The following MPP7 variants were observed in gnomAD, a reference collection of about 807,000 sequenced individuals.
The protein encoded by MPP7 is MAGUK p55 scaffold protein 7, also known as MAGUK p55 subfamily member 7.
MPP7 carries 60 observed loss-of-function variants against 76.5 expected under a neutral mutation model. The observed-to-expected ratio is 0.78, with a 90% confidence interval of 0.64 to 0.97. The LOEUF is 0.97. MPP7 is among the 50% of genes least tolerant of loss of function. MPP7 has a pLI of 0.00. For missense variants in MPP7, 641 were observed against 694.0 expected, an observed-to-expected ratio of 0.92 and a Z score of 0.86; for synonymous variants, 237 against 244.5, an observed-to-expected ratio of 0.97 and a Z score of 0.29.
At chr10:28,210,704 T>C (rs1838104042) in intron 2 of MPP7, among the ~76,000 whole-genome samples, 1 of 152,202 alleles carries the variant, frequency 6.6e-6, no homozygotes, top group African/African-American at 2.4e-5. Context: ...GGAAAATAAA[T>C]GTTGTAACCT....
rs139432277 is a variant in MPP7 at position 28,232,993 on chromosome 10, C to G, written c.37+5575G>C. On this transcript the variant is annotated intron_variant, in intron 2 of 16. Coordinates refer to ENST00000683449, the MANE Select transcript of MPP7 (RefSeq NM_001318170.2). ...TAAAAATCATAATGAAATTATAAAA[C>G]TAAAACTAATATAGGTATTATGCAG... Among the ~76,000 whole-genome samples, 14 of 152,154 alleles carry G rather than the reference C, an allele frequency of 9.2e-5. No homozygotes were observed. The East Asian group carries it at 2.7e-3, about 29-fold the overall frequency.
At chr10:28,083,509 C>A (rs1435975106) in intron 12 of MPP7, among the ~76,000 whole-genome samples, 8 of 150,620 alleles carry the variant, frequency 5.3e-5, no homozygotes, top group Admixed American at 4.7e-4. Flanking sequence ...ATTAATATAC[C>A]ATGCTTACAT....
rs986887265 is a variant in MPP7, at chr10:28,155,606, A to AAAAAAAAAG, written c.157-5548_157-5547insCTTTTTTTT. Among the ~76,000 whole-genome samples, 22 of 150,752 alleles carry AAAAAAAAAG rather than the reference A, an allele frequency of 1.5e-4. 1 individual carries two copies. Among genetic ancestry groups the AAAAAAAAAG allele is most frequent in the South Asian group, 1.5e-3 (7 of 4,804 alleles). ...GAGCCAGACCCTGTCTCCAAAAAAA[A>AAAAAAAAAG]AAAGAAAGAAAAAGAAAAAGGCATT... On this transcript the variant is annotated intron_variant, in intron 3 of 16. Coordinates refer to ENST00000683449, the MANE Select transcript of MPP7 (RefSeq NM_001318170.2).
chr10:28,294,715 T>A (rs1178517936), intron 1 of MPP7, among the ~76,000 whole-genome samples: 1 of 152,274 alleles, frequency 6.6e-6, no homozygotes, highest in Non-Finnish European at 1.5e-5. Flanking sequence ...GGATCCTATT[T>A]ATTTTATATA....
intron 3 of MPP7, among the ~76,000 whole-genome samples, chr10:28,187,544 C>G (rs979105524): frequency 6.6e-6 from 1 of 152,136 alleles, no homozygotes; most frequent in African/African-American, 2.4e-5. Flanking sequence ...TCCTCCCACC[C>G]AAAGCAAATG....
intron 6 of MPP7, among the ~76,000 whole-genome samples, chr10:28,129,604 T>A (rs1029909539): frequency 2.7e-5 from 4 of 149,212 alleles, no homozygotes; most frequent in Admixed American, 6.7e-5. Flanking sequence ...AAAAAAAAAA[T>A]TTACTTTATT....
intron 12 of MPP7, among the ~76,000 whole-genome samples, chr10:28,080,717 C>T (rs547116253): frequency 7.2e-5 from 11 of 152,236 alleles, no homozygotes; most frequent in South Asian, 2.1e-4. Flanking sequence ...GATTGGCCAA[C>T]GGCATAAAAA....
At chr10:28,149,910 C>A in intron 4 of MPP7, 72 bp downstream of exon 4, 1 of 739,040 alleles carries the variant, frequency 1.4e-6, no homozygotes, top group Non-Finnish European at 1.9e-6. Context: ...CATCTGTCTG[C>A]ACTAGGACAG....
chr10:28,087,237 C>T (rs1326594354), intron 12 of MPP7, among the ~76,000 whole-genome samples: 1 of 152,208 alleles, frequency 6.6e-6, no homozygotes, highest in African/African-American at 2.4e-5. Context: ...GGATTCCCTT[C>T]GCCTTCCACA....
intron 8 of MPP7, among the ~76,000 whole-genome samples, chr10:28,123,453 T>C (rs1346966284): frequency 3.4e-5 from 5 of 148,820 alleles, no homozygotes; most frequent in Admixed American, 2.0e-4. Flanking sequence ...CAGGGACAGG[T>C]ACTAAATTCT....
chr10:28,058,473 G>A lies in MPP7; in HGVS notation c.1407+22C>T, dbSNP rs1355417371. 5.7e-6 allele frequency: 8 copies of A among 1,406,150 alleles called. No individual in the cohort carries two copies. In the African/African-American group the frequency reaches 1.1e-4, roughly 20 times the overall value. 87.1% of individuals were successfully genotyped at this position (1,406,150 alleles called of 1,614,324 possible). A position where few individuals can be genotyped will look rare whatever the true frequency, so the allele number is the denominator to read the frequency against. ...AGATGACATGGGTCAGAAGGGTATT[G>A]AATAGCTCATTGTTTACTTACATGA... On this transcript the variant is annotated intron_variant, in intron 15 of 16. Coordinates refer to ENST00000683449, the MANE Select transcript of MPP7 (RefSeq NM_001318170.2).
intron 3 of MPP7, among the ~76,000 whole-genome samples, chr10:28,161,011 C>T (rs1836240556): frequency 1.3e-5 from 2 of 152,188 alleles, no homozygotes. Context: ...GCCTTTCATG[C>T]TTTTCATGCT....
At chr10:28,287,390 G>A (rs1272006554) in intron 1 of MPP7, among the ~76,000 whole-genome samples, 1 of 152,182 alleles carries the variant, frequency 6.6e-6, no homozygotes, top group Non-Finnish European at 1.5e-5. Flanking sequence ...GGAGGTGATG[G>A]ACACGTTTAT....
At chr10:28,281,547 G>A (rs1840672057) in intron 1 of MPP7, among the ~76,000 whole-genome samples, 1 of 152,054 alleles carries the variant, frequency 6.6e-6, no homozygotes, top group Non-Finnish European at 1.5e-5. Flanking sequence ...ACAATATCAG[G>A]TTATTGACCA....
chr10:28,205,648 A>G (rs979960808), intron 2 of MPP7, among the ~76,000 whole-genome samples: 1 of 152,186 alleles, frequency 6.6e-6, no homozygotes, highest in Non-Finnish European at 1.5e-5. Flanking sequence ...GCAGTGCAGC[A>G]GACAAGCACA....
intron 3 of MPP7, among the ~76,000 whole-genome samples, chr10:28,164,154 T>C (rs531259846): frequency 2.0e-5 from 3 of 151,844 alleles, no homozygotes; most frequent in African/African-American, 7.2e-5. Flanking sequence ...GGGATGTAAA[T>C]GGTAACTGAA....
rs139109415 is a variant in MPP7 at position 28,177,375 on chromosome 10, T to C, written c.156+24778A>G. On this transcript the variant is annotated intron_variant, in intron 3 of 16. Transcript: ENST00000683449. ...GTGAGCCAAGATCACGCCACTGCAC[T>C]CCAGCCTGGGCAACGCAGTGAGACT... is the stretch of plus-strand genomic sequence containing the variant. 3.6e-3 allele frequency among the ~76,000 whole-genome samples: 529 copies of C among 147,886 alleles called. 12 individuals are homozygous for C. In the East Asian group the frequency reaches 0.056, roughly 16 times the overall value.
intron 1 of MPP7, among the ~76,000 whole-genome samples, chr10:28,275,321 G>A (rs753735281): frequency 1.3e-4 from 19 of 151,944 alleles, no homozygotes; most frequent in Non-Finnish European, 1.9e-4. Flanking sequence ...GATGCCCAAG[G>A]CAGAAATCTT....
chr10:28,200,209 C>T (rs1254378966), intron 3 of MPP7, among the ~76,000 whole-genome samples: 1 of 152,136 alleles, frequency 6.6e-6, no homozygotes, highest in Non-Finnish European at 1.5e-5. Context: ...GAAAGTATTG[C>T]AGACTTTACA....
Sources: gnomAD v4.1 joint callset for allele counts (sites outside exome capture counted in the v4.1 genomes callset) on GRCh38, gnomAD v4.1.1 for gene constraint, MANE v1.5 for transcripts, NCBI Gene and HGNC (gene_info 2026-07-23, HGNC 2026-07-21) for gene names.